The following MIPEP variants were observed in gnomAD, a reference collection of about 807,000 sequenced individuals.
The protein encoded by MIPEP is mitochondrial intermediate peptidase.
Under a neutral mutation model 90.3 loss-of-function variants are expected in MIPEP, and 79 were observed. The ratio of observed to expected loss-of-function variants is 0.87; its 90% CI spans 0.73 to 1.05. MIPEP has a LOEUF of 1.05. Ranked by LOEUF, MIPEP falls within the 50% of genes least tolerant of loss-of-function variation. The probability of loss-of-function intolerance (pLI) is 0.00; values close to 1 mark genes in which losing one functional copy is unlikely to be tolerated. For missense variants in MIPEP, 940 were observed against 905.6 expected, an observed-to-expected ratio of 1.04 and a Z score of -0.49; for synonymous variants, 334 against 315.8, an observed-to-expected ratio of 1.06 and a Z score of -0.61.
At chr13:23,831,716 C>T (rs1286602655) in intron 14 of MIPEP, among the ~76,000 whole-genome samples, 1 of 152,168 alleles carries the variant, frequency 6.6e-6, no homozygotes, top group Non-Finnish European at 1.5e-5. Context: ...CCAGAGAGAG[C>T]TATTACTCCA....
chr13:23,815,786 C>A (rs191092998), intron 14 of MIPEP, among the ~76,000 whole-genome samples: 1 of 152,140 alleles, frequency 6.6e-6, no homozygotes, highest in East Asian at 1.9e-4. Context: ...TTAATATCTT[C>A]GATATTTCAA....
chr13:23,808,654 A>T (rs1953139046), intron 15 of MIPEP, among the ~76,000 whole-genome samples: 1 of 152,240 alleles, frequency 6.6e-6, no homozygotes, highest in Non-Finnish European at 1.5e-5. Flanking sequence ...TTTAAAAGCC[A>T]GGCCTTCTAC....
At position 23,881,753 on chromosome 13, in the gene MIPEP, G is replaced by A; in HGVS notation, c.398C>T (p.Ala133Val). The change falls in exon 3 of 19, where the codon GCA (alanine) becomes GTA (valine). Residue 133 changes from alanine to valine, a missense_variant. Physicochemically the swap from Ala to Val is moderately conservative, Grantham distance 64. Transcript: ENST00000382172. ...DFVKIAHPEP[A>V]FREAAEEACR... ...AGCTTCTTCCGCAGCTTCTCTGAAT[G>A]CTGGCTCAGGGTGAGCGATTTTCAC... 1 of 1,614,002 alleles carries A rather than the reference G, an allele frequency of 6.2e-7. No homozygotes were observed. Among genetic ancestry groups the A allele is most frequent in the East Asian group, 2.2e-5 (1 of 44,878 alleles).
intron 14 of MIPEP, among the ~76,000 whole-genome samples, chr13:23,824,464 C>T (rs976108131): frequency 2.6e-5 from 4 of 152,292 alleles, no homozygotes; most frequent in East Asian, 1.9e-4. Context: ...TCCCTGGGCA[C>T]GTGATAGGTC....
chr13:23,848,273 G>C (rs1051774801), intron 10 of MIPEP, among the ~76,000 whole-genome samples: 3 of 152,118 alleles, frequency 2.0e-5, no homozygotes, highest in Non-Finnish European at 4.4e-5. Flanking sequence ...ACACGGACAG[G>C]GACAAGACTA....
chr13:23,767,184 G>C (rs1952599615), intron 16 of MIPEP, among the ~76,000 whole-genome samples: 1 of 152,146 alleles, frequency 6.6e-6, no homozygotes, highest in Non-Finnish European at 1.5e-5. Context: ...CCAGCAACTT[G>C]CCTGCAGCCT....
At chr13:23,789,433 T>C (rs1948229068) in intron 16 of MIPEP, among the ~76,000 whole-genome samples, 2 of 152,138 alleles carry the variant, frequency 1.3e-5, no homozygotes, top group African/African-American at 4.8e-5. Flanking sequence ...GACAGTAAAA[T>C]AGAGTAACAG....
At position 23,808,418 on chromosome 13, in the gene MIPEP, C is replaced by A. The variant is rs535818150; in HGVS notation, c.1728+1432G>T. 7.9e-5 allele frequency among the ~76,000 whole-genome samples: 12 copies of A among 152,158 alleles called. No homozygotes were observed. In the Middle Eastern group the frequency reaches 0.01, roughly 129 times the overall value. Reference sequence around the variant, plus strand: ...CTGGCCTTAAAAACACTGTTTATGTCCCCATAGAAAGTTGAAACAATTCAC... The same window carrying A: ...CTGGCCTTAAAAACACTGTTTATGTACCCATAGAAAGTTGAAACAATTCAC... On this transcript the variant is annotated intron_variant, in intron 15 of 18. Coordinates refer to ENST00000382172, the MANE Select transcript of MIPEP (RefSeq NM_005932.4).
chr13:23,776,915 C>A (rs1952724108), intron 16 of MIPEP, among the ~76,000 whole-genome samples: 1 of 152,010 alleles, frequency 6.6e-6, no homozygotes, highest in Non-Finnish European at 1.5e-5. Context: ...GTTTCACTCC[C>A]ACATATATGT....
At chr13:23,823,101 A>G (rs1953328406) in intron 14 of MIPEP, among the ~76,000 whole-genome samples, 1 of 152,138 alleles carries the variant, frequency 6.6e-6, no homozygotes, top group Non-Finnish European at 1.5e-5. Context: ...AAAAAGAAAC[A>G]GTCATTACAA....
intron 7 of MIPEP, among the ~76,000 whole-genome samples, chr13:23,864,418 G>A (rs1870437479): frequency 6.6e-6 from 1 of 152,048 alleles, no homozygotes; most frequent in Admixed American, 6.6e-5. Context: ...ATAATCCACA[G>A]CGTCAGATTC....
chr13:23,776,825 A>C (rs1387023244), intron 16 of MIPEP, among the ~76,000 whole-genome samples: 1 of 152,136 alleles, frequency 6.6e-6, no homozygotes, highest in Non-Finnish European at 1.5e-5. Flanking sequence ...GCATTAAAAA[A>C]AAAAAAGAAG....
chr13:23,872,452 ACT>A (rs796525074), intron 5 of MIPEP, among the ~76,000 whole-genome samples: 133 of 152,268 alleles, frequency 8.7e-4, no homozygotes, highest in African/African-American at 3.2e-3. Context: ...CAAGAGTGAA[ACT>A]CTGTCTCAAA....
rs181147659 is a variant in MIPEP, at chr13:23,834,915, G to A, written c.1653+1325C>T. 1.1e-4 allele frequency among the ~76,000 whole-genome samples: 16 copies of A among 151,968 alleles called. No homozygotes were observed. In the East Asian group the frequency reaches 2.7e-3, roughly 26 times the overall value. On this transcript the variant is annotated intron_variant, in intron 14 of 18. Coordinates refer to ENST00000382172, the MANE Select transcript of MIPEP (RefSeq NM_005932.4). ...ATAATTCCCAGAACAATTCTTTGTA[G>A]ATTAATGGATGGGTAGTTAATTGGA... is the stretch of plus-strand genomic sequence containing the variant.
chr13:23,880,383 C>T (rs1274206282), intron 3 of MIPEP, among the ~76,000 whole-genome samples: 1 of 152,238 alleles, frequency 6.6e-6, no homozygotes, highest in East Asian at 1.9e-4. Flanking sequence ...GGAACAGTAG[C>T]TCAGAGGCTG....
intron 14 of MIPEP, among the ~76,000 whole-genome samples, chr13:23,818,851 C>A (rs543459481): frequency 2.2e-4 from 34 of 152,276 alleles, no homozygotes; most frequent in African/African-American, 7.0e-4. Context: ...CAATGATGTG[C>A]CTCATTCTAA....
chr13:23,875,863 G>C (rs547928672), intron 4 of MIPEP, among the ~76,000 whole-genome samples: 71 of 151,958 alleles, frequency 4.7e-4, no homozygotes, highest in African/African-American at 1.7e-3. Flanking sequence ...AATAATTAAG[G>C]CCCAACTGTA....
At chr13:23,764,186 A>G (rs1329397959) in intron 16 of MIPEP, among the ~76,000 whole-genome samples, 1 of 152,204 alleles carries the variant, frequency 6.6e-6, no homozygotes, top group Non-Finnish European at 1.5e-5. Context: ...ACGGTGAGAG[A>G]CATAGATTTT....
In MIPEP at chr13:23,830,753, T is replaced by C. The variant is rs575497206; in HGVS notation, c.1653+5487A>G. On this transcript the variant is annotated intron_variant, in intron 14 of 18. Transcript: ENST00000382172. Reference sequence around the variant, plus strand: ...AAAGACTTGAGTTTCATTTTTCTAGTCTAAAAATGTCTTTTCTTAAACCCC... The same window carrying C: ...AAAGACTTGAGTTTCATTTTTCTAGCCTAAAAATGTCTTTTCTTAAACCCC... Among the ~76,000 whole-genome samples the C allele has an allele frequency of 3.2e-4, 48 of 152,324 alleles. No homozygotes were observed. In the South Asian group the frequency reaches 8.9e-3, roughly 28 times the overall value.
Sources: allele counts gnomAD v4.1 joint callset (sites outside exome capture counted in the v4.1 genomes callset), GRCh38; gene constraint gnomAD v4.1.1; transcripts MANE v1.5; gene names NCBI Gene and HGNC (gene_info 2026-07-23, HGNC 2026-07-21).